The following ADD3 variants were observed in gnomAD, a reference collection of about 807,000 sequenced individuals.
The protein encoded by ADD3 is gamma-adducin.
A neutral mutation model predicts 80.2 loss-of-function variants in ADD3; 25 were observed. That is an observed-to-expected ratio of 0.31 (90% CI 0.23 to 0.44). The LOEUF (loss-of-function observed/expected upper bound fraction) is 0.44, where lower values mean the gene tolerates loss of function less well. Among genes scored for constraint, ADD3 ranks in the 20% least tolerant of loss-of-function variants. The pLI is 1.00. For synonymous variants in ADD3, 284 were observed against 289.6 expected (o/e 0.98, Z 0.20); for missense variants, 829 against 847.5 (o/e 0.98, Z 0.27).
intron 5 of ADD3, among the ~76,000 whole-genome samples, chr10:110,117,789 G>A (rs1850941573): frequency 1.3e-5 from 2 of 152,080 alleles, no homozygotes; most frequent in Admixed American, 1.3e-4. Flanking sequence ...GCTGAGGCAA[G>A]TGGATCACGA....
At chr10:110,056,862 C>A (rs1211334039) in intron 1 of ADD3, among the ~76,000 whole-genome samples, 1 of 152,062 alleles carries the variant, frequency 6.6e-6, no homozygotes, top group African/African-American at 2.4e-5. Flanking sequence ...AAGGAAAAAC[C>A]CTTTCTTTTT....
At chr10:110,084,398 A>G (rs957864740) in intron 1 of ADD3, among the ~76,000 whole-genome samples, 3 of 152,216 alleles carry the variant, frequency 2.0e-5, no homozygotes, top group Admixed American at 2.0e-4. Context: ...TTTAATGTAC[A>G]GTAGCACCTG....
chr10:110,020,299 G>A (rs939270431), intron 1 of ADD3, among the ~76,000 whole-genome samples: 2 of 152,156 alleles, frequency 1.3e-5, no homozygotes, highest in African/African-American at 2.4e-5. Flanking sequence ...TATATTCTTG[G>A]AAGTCAATAG....
At chr10:110,121,436 T>C (rs1043083331) in intron 8 of ADD3, among the ~76,000 whole-genome samples, 8 of 152,164 alleles carry the variant, frequency 5.3e-5, no homozygotes, top group African/African-American at 1.7e-4. Flanking sequence ...TGAGCCGATA[T>C]CGTGCCATTG....
chr10:110,007,284 T>C (rs1451217335), upstream of ADD3, among the ~76,000 whole-genome samples: 1 of 152,164 alleles, frequency 6.6e-6, no homozygotes, highest in East Asian at 1.9e-4. Context: ...CGAGAGCCCC[T>C]GTCCTCCCCC....
At chr10:110,100,141 G>C (rs1029779177) in intron 1 of ADD3, among the ~76,000 whole-genome samples, 2 of 152,120 alleles carry the variant, frequency 1.3e-5, no homozygotes, top group African/African-American at 4.8e-5. Context: ...GAGATCAGTA[G>C]TTCCAGACCA....
intron 1 of ADD3, among the ~76,000 whole-genome samples, chr10:110,088,257 T>C (rs1847056207): frequency 6.6e-6 from 1 of 152,188 alleles, no homozygotes. Context: ...AGTACAGTAG[T>C]ATGGCTGAAT....
chr10:110,098,582 T>G (rs1326696441), intron 1 of ADD3, among the ~76,000 whole-genome samples: 1 of 152,188 alleles, frequency 6.6e-6, no homozygotes, highest in Non-Finnish European at 1.5e-5. Context: ...TAAAGTTCTT[T>G]TAACACCCAT....
intron 1 of ADD3, among the ~76,000 whole-genome samples, chr10:110,047,279 C>CA (rs1256488058): frequency 3.9e-5 from 6 of 152,178 alleles, no homozygotes; most frequent in Admixed American, 3.9e-4. Flanking sequence ...CGACTTAACA[C>CA]ACTTTTAGCA....
intron 1 of ADD3, among the ~76,000 whole-genome samples, chr10:110,098,065 G>A (rs1353686677): frequency 2.6e-5 from 4 of 152,106 alleles, no homozygotes; most frequent in African/African-American, 9.7e-5. Context: ...ATAAGCTACC[G>A]CGCCCAGCCT....
At chr10:110,064,636 TC>T (rs1843686910) in intron 1 of ADD3, among the ~76,000 whole-genome samples, 1 of 152,208 alleles carries the variant, frequency 6.6e-6, no homozygotes, top group African/African-American at 2.4e-5. Context: ...TTCTGGATTA[TC>T]TTTTTTCAGA....
intron 8 of ADD3, among the ~76,000 whole-genome samples, chr10:110,121,360 G>A (rs1851470965): frequency 1.3e-5 from 2 of 152,148 alleles, no homozygotes; most frequent in African/African-American, 2.4e-5. Context: ...TCATGTGCCT[G>A]TAATCCCAGC....
intron 1 of ADD3, among the ~76,000 whole-genome samples, chr10:110,040,863 C>G (rs915859819): frequency 6.6e-6 from 1 of 152,084 alleles, no homozygotes; most frequent in Non-Finnish European, 1.5e-5. Context: ...AAAGAAGTGC[C>G]TAATTTCTGG....
chr10:110,037,467 T>TG (rs1855796728), intron 1 of ADD3, among the ~76,000 whole-genome samples: 2 of 151,756 alleles, frequency 1.3e-5, no homozygotes, highest in African/African-American at 4.8e-5. Context: ...TAGCCAGGCG[T>TG]GGTGGTGGGC....
intron 2 of ADD3, among the ~76,000 whole-genome samples, chr10:110,101,736 A>G (rs1002316719): frequency 1.3e-5 from 2 of 152,236 alleles, no homozygotes; most frequent in African/African-American, 2.4e-5. Flanking sequence ...TTTTCTTACA[A>G]AATCTTAGTG....
At chr10:110,001,844 T>C (rs1851492199), upstream of ADD3, among the ~76,000 whole-genome samples, 1 of 152,206 alleles carries the variant, frequency 6.6e-6, no homozygotes, top group Non-Finnish European at 1.5e-5. Flanking sequence ...GTAAAACACC[T>C]GGTTTTAAGA....
At chr10:110,116,188 T>G in intron 3 of ADD3, 71 bp from the exon 4 acceptor site, 1 of 1,535,154 alleles carries the variant, frequency 6.5e-7, no homozygotes. Context: ...CGCAGGCTAC[T>G]TCCTGGCAAC....
intron 6 of ADD3, among the ~76,000 whole-genome samples, 195 bp downstream of exon 6, chr10:110,118,931 C>T (rs1207783938): frequency 6.6e-6 from 1 of 152,210 alleles, no homozygotes. Flanking sequence ...CATTTGGATT[C>T]TAAAACTAAC....
At chr10:110,043,749 C>G (rs1424118782) in intron 1 of ADD3, among the ~76,000 whole-genome samples, 2 of 152,108 alleles carry the variant, frequency 1.3e-5, no homozygotes, top group Admixed American at 6.5e-5. Flanking sequence ...AATGATAAAT[C>G]AGAAATAGAT....
Sources: gnomAD v4.1 joint callset for allele counts (sites outside exome capture counted in the v4.1 genomes callset) on GRCh38, gnomAD v4.1.1 for gene constraint, MANE v1.5 for transcripts, NCBI Gene and HGNC (gene_info 2026-07-23, HGNC 2026-07-21) for gene names.